Variants in ANKRD27 observed in about 807,000 individuals in gnomAD.
ANKRD27 encodes ankyrin repeat domain-containing protein 27.
In ANKRD27, 112 loss-of-function variants were observed where a neutral mutation model predicts 129.7. The observed-to-expected ratio is 0.86, with a 90% confidence interval of 0.74 to 1.01. The LOEUF (loss-of-function observed/expected upper bound fraction) is 1.01, where lower values mean the gene tolerates loss of function less well. Ranked by LOEUF, ANKRD27 falls within the 50% of genes least tolerant of loss-of-function variation. ANKRD27 has a pLI of 0.00. For synonymous variants in ANKRD27, 516 were observed against 511.2 expected (o/e 1.01, Z -0.13); for missense variants, 1,258 against 1,300.5 (o/e 0.97, Z 0.50).
At chr19:32,650,792 G>A (rs373956462) in intron 2 of ANKRD27, among the ~76,000 whole-genome samples, 122 of 126,000 alleles carry the variant, frequency 9.7e-4, no homozygotes, top group African/African-American at 3.3e-3. Context: ...CTCTCTCACC[G>A]AGGCTGGAGT....
In ANKRD27 at chr19:32,611,658, C is replaced by T. The variant is rs532035952; in HGVS notation, c.2176-3826G>A. On this transcript the variant is annotated intron_variant, in intron 22 of 28. Transcript: ENST00000306065. ...GTGCAATGGCACGATCTCGGCTCAC[C>T]GCAACCTCCGCCTCCTGGGTTCAAG... is the stretch of plus-strand genomic sequence containing the variant. Among the ~76,000 whole-genome samples, 11 of 152,224 alleles carry T rather than the reference C, an allele frequency of 7.2e-5. No homozygotes were observed. The South Asian group carries it at 1.5e-3, about 20-fold the overall frequency.
intron 12 of ANKRD27, among the ~76,000 whole-genome samples, chr19:32,632,386 G>A (rs1354792662): frequency 6.6e-6 from 1 of 151,102 alleles, no homozygotes; most frequent in Non-Finnish European, 1.5e-5. Flanking sequence ...AGGAGTTTGA[G>A]ACCAGCCTGG....
At chr19:32,642,953 T>G in intron 9 of ANKRD27, 170 bp downstream of exon 9, 1 of 663,182 alleles carries the variant, frequency 1.5e-6, no homozygotes, top group Non-Finnish European at 2.6e-6. Flanking sequence ...CCACACACAG[T>G]CACCTATAAA....
chr19:32,619,433 G>A, intron 19 of ANKRD27, 54 bp from the exon 20 acceptor site: 1 of 1,613,902 alleles, frequency 6.2e-7, no homozygotes, highest in Non-Finnish European at 8.5e-7. Flanking sequence ...GACACGTGAG[G>A]ACCAGAGAAG....
chr19:32,642,079 C>T lies in ANKRD27; in HGVS notation c.849G>A (p.Lys283=). The change falls in exon 10 of 29, where the codon AAG becomes AAA. Residue 283 remains lysine, a synonymous_variant. Transcript: ENST00000306065. Reference sequence around the variant, plus strand: ...GCACCACTTTTCGCAAGCAGACAAGCTTCTGCTGTGGGGAGGTGCATTTGT... The same window carrying T: ...GCACCACTTTTCGCAAGCAGACAAGTTTCTGCTGTGGGGAGGTGCATTTGT... The part of the protein sequence containing the change: ...QLNKCTSPQQ[K]LVCLRKVVQL... 1.9e-6 allele frequency: 3 copies of T among 1,611,426 alleles called. No homozygotes were observed. The highest frequency in any genetic ancestry group is 2.5e-6 in the Non-Finnish European group (3 of 1,178,052).
chr19:32,615,617 C>T (rs940080139), intron 22 of ANKRD27, 41 bp downstream of exon 22: 8 of 1,613,972 alleles, frequency 5.0e-6, no homozygotes, highest in Non-Finnish European at 6.8e-6. Context: ...ACAAAAATTG[C>T]CTACATTCCC....
rs868513720 is a variant in ANKRD27, at chr19:32,649,735, C to G, written c.160G>C (p.Glu54Gln). 1.2e-6 allele frequency: 2 copies of G among 1,613,964 alleles called. No homozygotes were observed. Among genetic ancestry groups the G allele is most frequent in the Admixed American group, 3.3e-5 (2 of 59,998 alleles). Residue 54 changes from glutamate (E) to glutamine (Q), a missense_variant, in exon 3 of 29, where the codon GAG (glutamate) becomes CAG (glutamine). By Grantham distance (29) the Glu-to-Gln change is conservative (BLOSUM62 2). Transcript: ENST00000306065. ...TCCACAGGTATCAAAATGTAGGACT[C>G]AAACTGACAAGTAGACTGGATGCTG... ...SSSIQSTCQF[E>Q]SYILIPVEEH...
chr19:32,608,151 A>C (rs1462518901), intron 22 of ANKRD27, among the ~76,000 whole-genome samples: 1 of 150,344 alleles, frequency 6.7e-6, no homozygotes, highest in Non-Finnish European at 1.5e-5. Flanking sequence ...CCACAGGTGC[A>C]AGCCATTGTG....
At chr19:32,634,050 T>C (rs1967046625) in intron 12 of ANKRD27, among the ~76,000 whole-genome samples, 1 of 152,060 alleles carries the variant, frequency 6.6e-6, no homozygotes, top group African/African-American at 2.4e-5. Context: ...TAAAAGCTTA[T>C]GGTCATCTCA....
chr19:32,646,120 TGG>T (rs1397499276), intron 4 of ANKRD27, among the ~76,000 whole-genome samples: 1 of 151,984 alleles, frequency 6.6e-6, no homozygotes, highest in Non-Finnish European at 1.5e-5. Flanking sequence ...TTAGTAGAGA[TGG>T]GGTTTCACCA....
At chr19:32,663,718 T>C (rs1002327396) in intron 1 of ANKRD27, among the ~76,000 whole-genome samples, 1 of 152,274 alleles carries the variant, frequency 6.6e-6, no homozygotes, top group Middle Eastern at 3.4e-3. Context: ...ATATATTACA[T>C]AGAAATACAC....
intron 17 of ANKRD27, among the ~76,000 whole-genome samples, chr19:32,623,450 T>C (rs986367874): frequency 6.6e-6 from 1 of 152,156 alleles, no homozygotes; most frequent in Admixed American, 6.5e-5. Flanking sequence ...ACTGAGTTCC[T>C]AATGAGCTTC....
intron 2 of ANKRD27, among the ~76,000 whole-genome samples, chr19:32,651,704 T>G (rs1967419857): frequency 6.6e-6 from 1 of 152,030 alleles, no homozygotes; most frequent in Admixed American, 6.6e-5. Flanking sequence ...CTCAGAGAAC[T>G]CTGCCCCACT....
intron 1 of ANKRD27, among the ~76,000 whole-genome samples, chr19:32,669,737 C>A (rs1300869755): frequency 2.0e-5 from 3 of 152,062 alleles, no homozygotes; most frequent in African/African-American, 4.8e-5. Context: ...GTGGCTCACA[C>A]CTATAATCTG....
chr19:32,607,295 T>G (rs1971758373), intron 23 of ANKRD27, among the ~76,000 whole-genome samples: 1 of 152,066 alleles, frequency 6.6e-6, no homozygotes, highest in Non-Finnish European at 1.5e-5. Context: ...CAAGGCACTG[T>G]CGGGGTGTAA....
In ANKRD27 at chr19:32,626,836, CAGA is replaced by C. The variant is rs1966893166; in HGVS notation, c.1421-12_1421-10del. On this transcript the variant is annotated splice_polypyrimidine_tract_variant and intron_variant, in intron 15 of 28. Transcript: ENST00000306065. ...GATGAGGGATGCCTGCCCTGCAGAG[CAGA>C]AGGACGTCACGATGGAGAAGGAAGG... The C allele has an allele frequency of 6.3e-7, 1 of 1,597,730 alleles. No homozygotes were observed. The highest frequency in any genetic ancestry group is 8.5e-7 in the Non-Finnish European group (1 of 1,170,182).
At chr19:32,656,137 G>GAAAAGAAAAGA (rs1568417922) in intron 2 of ANKRD27, among the ~76,000 whole-genome samples, 1 of 148,600 alleles carries the variant, frequency 6.7e-6, no homozygotes, top group East Asian at 2.0e-4. Flanking sequence ...GAAAAGAAAA[G>GAAAAGAAAAGA]AAAAAGAAAA....
At chr19:32,644,573 G>A (rs2145302930) in intron 4 of ANKRD27, 94 bp from the exon 5 acceptor site, 2 of 1,401,028 alleles carry the variant, frequency 1.4e-6, no homozygotes, top group Non-Finnish European at 1.9e-6. Flanking sequence ...TGGGGAGGAG[G>A]GCAAATGTCC....
At chr19:32,615,420 A>G (rs1305945828) in intron 22 of ANKRD27, among the ~76,000 whole-genome samples, 1 of 152,106 alleles carries the variant, frequency 6.6e-6, no homozygotes, top group East Asian at 1.9e-4. Context: ...CTGAGTCTCT[A>G]CAAAAAGAAA....
Sources: allele counts gnomAD v4.1 joint callset (sites outside exome capture counted in the v4.1 genomes callset), GRCh38; gene constraint gnomAD v4.1.1; transcripts MANE v1.5; gene names NCBI Gene and HGNC (gene_info 2026-07-23, HGNC 2026-07-21).